DLG2: variants seen among roughly 807,000 people sequenced by gnomAD.
DLG2 encodes the protein discs large MAGUK scaffold protein 2, also known as disks large homolog 2.
DLG2 carries 45 observed loss-of-function variants against 132.5 expected under a neutral mutation model. That is an observed-to-expected ratio of 0.34 (90% CI 0.27 to 0.44). The LOEUF is 0.44. Ranked by LOEUF, DLG2 falls within the 20% of genes least tolerant of loss-of-function variation. The pLI is 1.00. For missense variants in DLG2, 1,045 were observed against 1,196.9 expected (o/e 0.87, Z 1.87); for synonymous variants, 424 against 419.6 (o/e 1.01, Z -0.13).
chr11:84,068,459 T>C (rs1272030394), intron 10 of DLG2, among the ~76,000 whole-genome samples: 1 of 152,220 alleles, frequency 6.6e-6, no homozygotes, highest in African/African-American at 2.4e-5. Flanking sequence ...TCTCATCTTC[T>C]AGGATGCCAT....
At chr11:84,503,305 G>A (rs80297379) in intron 7 of DLG2, among the ~76,000 whole-genome samples, 3,333 of 152,266 alleles carry the variant, frequency 0.022, 94 homozygotes, top group African/African-American at 0.072. Context: ...TACTATGTGT[G>A]AAAGACCTAA....
intron 18 of DLG2, among the ~76,000 whole-genome samples, chr11:83,708,502 A>C (rs2084592300): frequency 6.6e-6 from 1 of 152,230 alleles, no homozygotes; most frequent in African/African-American, 2.4e-5. Context: ...CCATAAAACA[A>C]GGCCAGAAAT....
At chr11:84,451,964 C>A (rs950585629) in intron 7 of DLG2, among the ~76,000 whole-genome samples, 5 of 151,550 alleles carry the variant, frequency 3.3e-5, no homozygotes, top group African/African-American at 1.2e-4. Context: ...ACTCACAGAT[C>A]TATCACATTC....
rs577009896 is a variant in DLG2, at chr11:85,369,279, G to A, written c.41-83914C>T. On this transcript the variant is annotated intron_variant, in intron 3 of 27. Transcript: ENST00000376104. ...AGGGTCCCACACAGCTAGCTGGCTG[G>A]CTCCCAGACAAAAGCCACAGCAGCC... Among the ~76,000 whole-genome samples, 8 of 152,138 alleles carry A rather than the reference G, an allele frequency of 5.3e-5. No homozygotes were observed. In the South Asian group the frequency reaches 1.7e-3, roughly 32 times the overall value.
At chr11:84,372,406 A>G (rs565499719) in intron 7 of DLG2, among the ~76,000 whole-genome samples, 4 of 152,302 alleles carry the variant, frequency 2.6e-5, no homozygotes, top group African/African-American at 9.6e-5. Context: ...ATGATTTGCC[A>G]TCACACGAAA....
At chr11:84,547,224 T>C (rs1310865903) in intron 6 of DLG2, among the ~76,000 whole-genome samples, 1 of 152,174 alleles carries the variant, frequency 6.6e-6, no homozygotes, top group Admixed American at 6.6e-5. Context: ...GATATGTTAT[T>C]TGATTATAAA....
At position 84,502,218 on chromosome 11, in the gene DLG2, CCTT is replaced by C. The variant is rs2099212499; in HGVS notation, c.519+32349_519+32351del. 4.3e-4 allele frequency among the ~76,000 whole-genome samples: 5 copies of C among 11,680 alleles called. 2 individuals are homozygous for C. In the African/African-American group the frequency reaches 6.7e-3, roughly 16 times the overall value. The allele number at this position is 11,680 out of a possible 152,430, so 7.7% of individuals were successfully genotyped here. A position where few individuals can be genotyped will look rare whatever the true frequency, so the allele number is the denominator to read the frequency against. ...TCTCTCTCTCCTTCCTTCCTTCCTT[CCTT>C]CCTTCCTTCCTTCCTTCCTTCCTTC... is the stretch of plus-strand genomic sequence containing the variant. On this transcript the variant is annotated intron_variant, in intron 7 of 27. Coordinates refer to ENST00000376104, the MANE Select transcript of DLG2 (RefSeq NM_001142699.3).
intron 5 of DLG2, among the ~76,000 whole-genome samples, chr11:85,138,069 G>A (rs545057186): frequency 6.6e-6 from 1 of 152,100 alleles, no homozygotes; most frequent in Non-Finnish European, 1.5e-5. Flanking sequence ...AATTTTGAGT[G>A]AACCAATAAT....
At chr11:85,234,366 A>G (rs1222854475) in intron 4 of DLG2, among the ~76,000 whole-genome samples, 1 of 152,006 alleles carries the variant, frequency 6.6e-6, no homozygotes, top group Non-Finnish European at 1.5e-5. Flanking sequence ...TGTTGGAAAG[A>G]TGCCATTATA....
intron 11 of DLG2, among the ~76,000 whole-genome samples, chr11:84,028,313 C>A (rs2095597621): frequency 6.6e-6 from 1 of 151,938 alleles, no homozygotes; most frequent in Admixed American, 6.6e-5. Flanking sequence ...AATTAATAAT[C>A]CTCTCAAAGT....
At chr11:84,595,328 G>A (rs562583205) in intron 6 of DLG2, among the ~76,000 whole-genome samples, 1 of 151,972 alleles carries the variant, frequency 6.6e-6, no homozygotes. Context: ...GCCCAGGATT[G>A]TCTCAAACTC....
intron 3 of DLG2, among the ~76,000 whole-genome samples, chr11:85,370,463 G>C (rs1341947968): frequency 6.6e-6 from 1 of 152,134 alleles, no homozygotes; most frequent in African/African-American, 2.4e-5. Flanking sequence ...ATTCAAAAAA[G>C]GGTATTATAT....
chr11:84,424,714 T>A (rs2098960951), intron 7 of DLG2, among the ~76,000 whole-genome samples: 1 of 152,070 alleles, frequency 6.6e-6, no homozygotes, highest in Admixed American at 6.6e-5. Flanking sequence ...AACAGTTTCT[T>A]TAAGGCATTT....
At chr11:84,151,371 T>A (rs983454877) in intron 9 of DLG2, among the ~76,000 whole-genome samples, 2 of 152,150 alleles carry the variant, frequency 1.3e-5, no homozygotes, top group Admixed American at 1.3e-4. Flanking sequence ...GAGGATCTTT[T>A]GTATTTCTGT....
chr11:84,562,590 A>C (rs2099430669), intron 6 of DLG2, among the ~76,000 whole-genome samples: 1 of 152,072 alleles, frequency 6.6e-6, no homozygotes, highest in Non-Finnish European at 1.5e-5. Flanking sequence ...CTTAAAACTA[A>C]ATTTTTAACA....
chr11:85,019,276 G>A (rs993677753), intron 6 of DLG2, among the ~76,000 whole-genome samples: 5 of 152,122 alleles, frequency 3.3e-5, no homozygotes, highest in African/African-American at 9.7e-5. Flanking sequence ...TACTAGGAGT[G>A]TCAAAGGAAG....
At chr11:84,622,322 A>T (rs1200512278) in intron 6 of DLG2, among the ~76,000 whole-genome samples, 1 of 152,210 alleles carries the variant, frequency 6.6e-6, no homozygotes, top group Non-Finnish European at 1.5e-5. Context: ...GTCTTTCTTG[A>T]TAGGAGCATA....
intron 6 of DLG2, among the ~76,000 whole-genome samples, chr11:85,054,221 T>C (rs1007408298): frequency 4.1e-5 from 6 of 147,854 alleles, no homozygotes; most frequent in Admixed American, 2.7e-4. Flanking sequence ...GCCGAGATCA[T>C]ACCACTGCAC....
chr11:84,402,558 A>C (rs1027725326), intron 7 of DLG2, among the ~76,000 whole-genome samples: 2 of 152,086 alleles, frequency 1.3e-5, no homozygotes, highest in African/African-American at 2.4e-5. Flanking sequence ...TGTCAAAAAA[A>C]AAAAATGTAA....
Sources: allele counts gnomAD v4.1 joint callset (sites outside exome capture counted in the v4.1 genomes callset), GRCh38; gene constraint gnomAD v4.1.1; transcripts MANE v1.5; gene names NCBI Gene and HGNC (gene_info 2026-07-23, HGNC 2026-07-21).